Variants in CDC42BPA observed in about 807,000 individuals in gnomAD.
The protein encoded by CDC42BPA is CDC42 binding protein kinase alpha, also known as serine/threonine-protein kinase MRCK alpha.
In CDC42BPA, 80 loss-of-function variants were observed where a neutral mutation model predicts 223.5. The observed-to-expected ratio is 0.36, with a 90% confidence interval of 0.30 to 0.43. The LOEUF (loss-of-function observed/expected upper bound fraction) is 0.43. CDC42BPA is among the 20% of genes least tolerant of loss of function. CDC42BPA has a pLI of 1.00. For missense variants in CDC42BPA, 1,743 were observed against 2,099.9 expected (o/e 0.83, Z 3.32); for synonymous variants, 694 against 718.6 (o/e 0.97, Z 0.55).
chr1:227,308,275 C>T (rs150055310), intron 1 of CDC42BPA, among the ~76,000 whole-genome samples: 1 of 152,104 alleles, frequency 6.6e-6, no homozygotes, highest in East Asian at 1.9e-4. Context: ...GGAGACCTAG[C>T]CCGGTGGATT....
chr1:227,063,425 A>G (rs1286765515), intron 21 of CDC42BPA, among the ~76,000 whole-genome samples: 1 of 152,154 alleles, frequency 6.6e-6, no homozygotes, highest in Non-Finnish European at 1.5e-5. Context: ...TTAAGGTTCA[A>G]TTAATCCTAG....
At chr1:227,297,967 T>TATATATATATATAC (rs369403944) in intron 1 of CDC42BPA, among the ~76,000 whole-genome samples, 1 of 132,082 alleles carries the variant, frequency 7.6e-6, no homozygotes, top group African/African-American at 2.9e-5. Flanking sequence ...TATATACATA[T>TATATATATATATAC]ACACACACAC....
chr1:227,036,421 C>CT (rs56254464), intron 24 of CDC42BPA, among the ~76,000 whole-genome samples: 984 of 70,838 alleles, frequency 0.014, 19 homozygotes, highest in Non-Finnish European at 0.016. Context: ...CTTCAATTCA[C>CT]TTTTTTTTTT....
At chr1:227,181,699 A>G (rs1381661948) in intron 5 of CDC42BPA, among the ~76,000 whole-genome samples, 3 of 152,196 alleles carry the variant, frequency 2.0e-5, no homozygotes, top group African/African-American at 7.2e-5. Context: ...ACCCAAGAAA[A>G]TAGCTAGAAT....
At chr1:227,148,640 G>T (rs1661112794) in intron 6 of CDC42BPA, among the ~76,000 whole-genome samples, 1 of 151,950 alleles carries the variant, frequency 6.6e-6, no homozygotes, top group Non-Finnish European at 1.5e-5. Flanking sequence ...GGTGGTGGAT[G>T]CCTGCAGTCC....
chr1:227,254,186 C>G, intron 1 of CDC42BPA, 31 bp from the exon 2 acceptor site: 1 of 1,137,118 alleles, frequency 8.8e-7, no homozygotes, highest in Non-Finnish European at 1.3e-6. Flanking sequence ...CAATTATTTT[C>G]TTAATAAAAT....
intron 14 of CDC42BPA, among the ~76,000 whole-genome samples, chr1:227,111,297 C>T (rs567467): frequency 0.83 from 126,395 of 152,076 alleles, 52,569 homozygotes; most frequent in East Asian, 0.88. Context: ...AGATACCACA[C>T]TCAGACTATT....
intron 3 of CDC42BPA, among the ~76,000 whole-genome samples, chr1:227,212,096 T>G (rs1398859): frequency 0.32 from 48,436 of 150,660 alleles, 7,892 homozygotes; most frequent in East Asian, 0.38. Flanking sequence ...TTGTTTGTTT[T>G]TTTTAGTTTA....
chr1:227,096,777 A>G (rs1379990192), intron 15 of CDC42BPA, among the ~76,000 whole-genome samples: 1 of 152,192 alleles, frequency 6.6e-6, no homozygotes, highest in South Asian at 2.1e-4. Context: ...TTCCCTCTCT[A>G]CACATGCTGC....
intron 1 of CDC42BPA, among the ~76,000 whole-genome samples, chr1:227,305,707 T>C (rs1041883253): frequency 6.6e-6 from 1 of 152,212 alleles, no homozygotes; most frequent in Admixed American, 6.5e-5. Flanking sequence ...GGCTCACGCC[T>C]GTAATCTCAG....
At chr1:227,116,691 T>A (rs1261751273) in intron 12 of CDC42BPA, among the ~76,000 whole-genome samples, 2 of 152,190 alleles carry the variant, frequency 1.3e-5, no homozygotes, top group Non-Finnish European at 2.9e-5. Flanking sequence ...GCAGAGAAAC[T>A]TTTATGTTTT....
rs1488734626 is a variant in CDC42BPA, at chr1:226,991,310, G to A, written c.*2958C>T. The A allele has an allele frequency of 1.3e-5, 2 of 152,258 alleles. No individual in the cohort carries two copies. Among genetic ancestry groups the A allele is most frequent in the Non-Finnish European group, 2.9e-5 (2 of 68,032 alleles). The allele number at this position is 152,258 out of a possible 1,614,324, so 9.4% of individuals were successfully genotyped here. A position where few individuals can be genotyped will look rare whatever the true frequency, so the allele number is the denominator to read the frequency against. ...TGAAAACAAAAGAAAACTTCAGATA[G>A]TAATAAAATACTTTATCTGTGAGCT... On this transcript the variant is annotated 3_prime_UTR_variant, in exon 37 of 37. Coordinates refer to ENST00000366766, the MANE Select transcript of CDC42BPA (RefSeq NM_001394014.1).
chr1:227,212,176 A>G (rs1205608226), intron 3 of CDC42BPA, among the ~76,000 whole-genome samples: 2 of 152,014 alleles, frequency 1.3e-5, no homozygotes, highest in East Asian at 3.9e-4. Context: ...AAAAGTGATT[A>G]TTAGTTTCTT....
chr1:227,105,688 G>A (rs1484471905), intron 14 of CDC42BPA, among the ~76,000 whole-genome samples: 1 of 151,998 alleles, frequency 6.6e-6, no homozygotes, highest in Non-Finnish European at 1.5e-5. Flanking sequence ...TCATATAAGT[G>A]GAATCATATA....
At chr1:227,225,321 T>C (rs976007779) in intron 2 of CDC42BPA, among the ~76,000 whole-genome samples, 4 of 152,216 alleles carry the variant, frequency 2.6e-5, no homozygotes, top group African/African-American at 7.2e-5. Context: ...TGGATTACAG[T>C]AGATGATTAA....
At chr1:227,164,348 T>C (rs1447836219) in intron 5 of CDC42BPA, among the ~76,000 whole-genome samples, 1 of 152,244 alleles carries the variant, frequency 6.6e-6, no homozygotes, top group Non-Finnish European at 1.5e-5. Flanking sequence ...TATAGATTAA[T>C]CTGAAGAGAA....
intron 23 of CDC42BPA, among the ~76,000 whole-genome samples, chr1:227,044,460 C>A (rs562132898): frequency 1.2e-4 from 19 of 152,306 alleles, no homozygotes; most frequent in African/African-American, 4.1e-4. Flanking sequence ...AATACATACA[C>A]ATGGTTGAAA....
intron 1 of CDC42BPA, among the ~76,000 whole-genome samples, chr1:227,259,143 C>CT (rs1683612037): frequency 6.6e-6 from 1 of 150,932 alleles, no homozygotes; most frequent in Admixed American, 6.6e-5. Flanking sequence ...GCCTCCCTCC[C>CT]TTTTTCTGAA....
At chr1:227,166,472 T>G (rs1404635151) in intron 5 of CDC42BPA, among the ~76,000 whole-genome samples, 1 of 152,190 alleles carries the variant, frequency 6.6e-6, no homozygotes, top group Non-Finnish European at 1.5e-5. Flanking sequence ...CAGGTGAAAG[T>G]AAGGCGTAAA....
Sources: allele counts gnomAD v4.1 joint callset (sites outside exome capture counted in the v4.1 genomes callset), GRCh38; gene constraint gnomAD v4.1.1; transcripts MANE v1.5; gene names NCBI Gene and HGNC (gene_info 2026-07-23, HGNC 2026-07-21).